The following ADSS2 variants were observed in gnomAD, a reference collection of about 807,000 sequenced individuals.
The protein encoded by ADSS2 is adenylosuccinate synthetase isozyme 2.
A neutral mutation model predicts 60.0 loss-of-function variants in ADSS2; 30 were observed. That is an observed-to-expected ratio of 0.50 (90% CI 0.37 to 0.68). The LOEUF is 0.68. ADSS2 is among the 30% of genes least tolerant of loss of function. The pLI is 0.00. For synonymous variants in ADSS2, 187 were observed against 193.1 expected, an observed-to-expected ratio of 0.97 and a Z score of 0.26; for missense variants, 373 against 554.8, an observed-to-expected ratio of 0.67 and a Z score of 3.29.
chr1:244,420,440 G>T, intron 7 of ADSS2, 144 bp from the exon 8 acceptor site: 2 of 650,250 alleles, frequency 3.1e-6, no homozygotes, highest in Non-Finnish European at 2.5e-6. Context: ...TCACTCTATT[G>T]TAACATTTGG....
At chr1:244,427,969 T>G (rs957502092) in intron 4 of ADSS2, among the ~76,000 whole-genome samples, 1 of 152,188 alleles carries the variant, frequency 6.6e-6, no homozygotes, top group African/African-American at 2.4e-5. Flanking sequence ...AGCTTCAATG[T>G]GCATGAAGCA....
At chr1:244,429,725 C>T (rs959098131) in intron 4 of ADSS2, among the ~76,000 whole-genome samples, 7 of 151,874 alleles carry the variant, frequency 4.6e-5, no homozygotes, top group African/African-American at 1.4e-4. Flanking sequence ...ACTAAAAACA[C>T]AAAAAAATAA....
intron 9 of ADSS2, 133 bp downstream of exon 9, chr1:244,418,627 A>T: frequency 1.1e-6 from 1 of 938,610 alleles, no homozygotes; most frequent in Non-Finnish European, 1.5e-6. Flanking sequence ...AGCCAAAATT[A>T]TGTATTTAAG....
chr1:244,439,491 C>T (rs920879097), intron 1 of ADSS2, among the ~76,000 whole-genome samples: 1 of 152,146 alleles, frequency 6.6e-6, no homozygotes, highest in Non-Finnish European at 1.5e-5. Flanking sequence ...GGACTCCGCC[C>T]AGTGCCCTGC....
chr1:244,415,182 T>C (rs774203068), intron 11 of ADSS2, among the ~76,000 whole-genome samples: 5 of 152,270 alleles, frequency 3.3e-5, no homozygotes, highest in Non-Finnish European at 5.9e-5. Flanking sequence ...CATGTCATTA[T>C]ACTTGGTTAG....
At chr1:244,425,680 C>A (rs1664788196) in intron 4 of ADSS2, among the ~76,000 whole-genome samples, 1 of 152,118 alleles carries the variant, frequency 6.6e-6, no homozygotes, top group Non-Finnish European at 1.5e-5. Context: ...GCAAGGTTAA[C>A]AATCATATCT....
intron 3 of ADSS2, among the ~76,000 whole-genome samples, chr1:244,435,998 G>A (rs553654645): frequency 3.3e-5 from 5 of 152,320 alleles, no homozygotes; most frequent in Admixed American, 2.6e-4. Context: ...GAACGCTGGT[G>A]TGGGGGAATC....
At chr1:244,416,800 C>A (rs1199004124) in intron 10 of ADSS2, among the ~76,000 whole-genome samples, 4 of 152,178 alleles carry the variant, frequency 2.6e-5, no homozygotes, top group Non-Finnish European at 5.9e-5. Flanking sequence ...TTACCATCAC[C>A]TCTACCCTTC....
intron 5 of ADSS2, 68 bp from the exon 6 acceptor site, chr1:244,424,128 G>T: frequency 7.4e-7 from 1 of 1,354,662 alleles, no homozygotes; most frequent in Non-Finnish European, 1.0e-6. Flanking sequence ...TCAGATCATT[G>T]CAGTGAATAA....
rs1464924895 is a variant in ADSS2, at chr1:244,409,091, A to G, written c.*495T>C. On this transcript the variant is annotated 3_prime_UTR_variant, in exon 13 of 13. Transcript: ENST00000366535. ...CCAAAATTTAAACAGAATTCATAGC[A>G]TTACAAAAGTTTACAGAACCCCTAT... 6.5e-6 allele frequency: 1 copy of G among 152,804 alleles called. No individual in the cohort carries two copies. The highest frequency in any genetic ancestry group is 1.5e-5 in the Non-Finnish European group (1 of 68,152). 9.5% of individuals were successfully genotyped at this position (152,804 alleles called of 1,614,324 possible).
At chr1:244,421,527 A>G (rs776698932) in intron 7 of ADSS2, among the ~76,000 whole-genome samples, 10 of 152,208 alleles carry the variant, frequency 6.6e-5, no homozygotes, top group Non-Finnish European at 1.5e-4. Flanking sequence ...TTCTGGTTCA[A>G]CATACATTAC....
chr1:244,435,194 A>AAAAAAAAAAAAAAAACAAAAAAAC (rs1553308065), intron 3 of ADSS2, among the ~76,000 whole-genome samples: 1 of 127,850 alleles, frequency 7.8e-6, no homozygotes, highest in African/African-American at 3.2e-5. Context: ...AAAAAAAAAA[A>AAAAAAAAAAAAAAAACAAAAAAAC]AAACAAACCT....
chr1:244,429,457 C>T (rs1664880066), intron 4 of ADSS2, among the ~76,000 whole-genome samples: 1 of 152,158 alleles, frequency 6.6e-6, no homozygotes, highest in Non-Finnish European at 1.5e-5. Flanking sequence ...CGTTCAGTGC[C>T]ATGGTGACAG....
chr1:244,420,743 G>A (rs1664654519), intron 7 of ADSS2, among the ~76,000 whole-genome samples: 2 of 152,022 alleles, frequency 1.3e-5, no homozygotes, highest in African/African-American at 4.8e-5. Context: ...GCCTTGCTCT[G>A]TCACCCAGGC....
intron 11 of ADSS2, among the ~76,000 whole-genome samples, chr1:244,412,536 C>A (rs1375803954): frequency 6.6e-6 from 1 of 152,148 alleles, no homozygotes; most frequent in Non-Finnish European, 1.5e-5. Context: ...GGTGGAACAA[C>A]AGAACTGGAT....
chr1:244,433,575 G>T (rs966703777), intron 3 of ADSS2, among the ~76,000 whole-genome samples: 1 of 152,072 alleles, frequency 6.6e-6, no homozygotes, highest in Non-Finnish European at 1.5e-5. Flanking sequence ...TAACAAATAT[G>T]GGCTGGGTGC....
chr1:244,451,598 C>T lies in ADSS2; in HGVS notation c.183+37G>A, dbSNP rs780890685. The T allele has an allele frequency of 2.5e-5, 39 of 1,574,472 alleles. No homozygotes were observed. In the South Asian group the frequency reaches 4.5e-4, roughly 18 times the overall value. ...CCAGGAGCCAGGCAGCCCGAGCTCC[C>T]GGGCCCGGCTTCCCATGAGAGGCCC... On this transcript the variant is annotated intron_variant, in intron 1 of 12. Transcript: ENST00000366535. The surrounding 1 kb of genome is among the most constrained non-coding windows in gnomAD (Gnocchi z 6.6).
At chr1:244,442,865 TCAAA>T (rs934262559) in intron 1 of ADSS2, among the ~76,000 whole-genome samples, 48 of 152,316 alleles carry the variant, frequency 3.2e-4, no homozygotes, top group Admixed American at 1.3e-3. Flanking sequence ...GCAATTGTCC[TCAAA>T]CAGAGATTAT....
chr1:244,414,826 G>T (rs946934976), intron 11 of ADSS2, among the ~76,000 whole-genome samples: 5 of 152,316 alleles, frequency 3.3e-5, no homozygotes, highest in South Asian at 2.1e-4. Context: ...CTTATTTCGT[G>T]GCTAGTTGTT....
Sources: allele counts gnomAD v4.1 joint callset (sites outside exome capture counted in the v4.1 genomes callset), GRCh38; gene constraint gnomAD v4.1.1; non-coding constraint Gnocchi (gnomAD v3.1); transcripts MANE v1.5; gene names NCBI Gene and HGNC (gene_info 2026-07-23, HGNC 2026-07-21).